Variants in ANXA4 observed in about 807,000 individuals in gnomAD.
ANXA4 encodes the protein 35-beta calcimedin.
Under a neutral mutation model 49.8 loss-of-function variants are expected in ANXA4, and 39 were observed. The observed-to-expected ratio is 0.78, with a 90% CI of 0.61 to 1.02. The LOEUF (loss-of-function observed/expected upper bound fraction) is 1.02, where lower values mean the gene tolerates loss of function less well. ANXA4 is among the 50% of genes least tolerant of loss of function. The probability of loss-of-function intolerance (pLI) is 0.00; values close to 1 mark genes in which losing one functional copy is unlikely to be tolerated. For missense variants in ANXA4, 360 were observed against 410.1 expected, an observed-to-expected ratio of 0.88 and a Z score of 1.05; for synonymous variants, 134 against 152.5, an observed-to-expected ratio of 0.88 and a Z score of 0.89.
chr2:69,708,762 T>A (rs2105402619), intron 2 of ANXA4, among the ~76,000 whole-genome samples: 1 of 152,166 alleles, frequency 6.6e-6, no homozygotes, highest in South Asian at 2.1e-4. Context: ...TTGCCTCGAC[T>A]GCATCTGCAT....
At chr2:69,799,201 G>A (rs1673081752) in intron 3 of ANXA4, among the ~76,000 whole-genome samples, 1 of 152,038 alleles carries the variant, frequency 6.6e-6, no homozygotes, top group African/African-American at 2.4e-5. Context: ...TCTTTGTCTT[G>A]CTTATCTGGG....
chr2:69,656,233 A>ATACGTATATATATG (rs1430938352), intron 2 of ANXA4, among the ~76,000 whole-genome samples: 2 of 120,458 alleles, frequency 1.7e-5, no homozygotes, highest in Middle Eastern at 3.7e-3. Context: ...ATATATGTAT[A>ATACGTATATATATG]TATATACGTA....
chr2:69,810,571 A>G (rs202123084), intron 6 of ANXA4, 23 bp from the exon 7 acceptor site: 2 of 1,600,804 alleles, frequency 1.2e-6, no homozygotes, highest in East Asian at 2.2e-5. Context: ...ATTCTGAAGT[A>G]GCTAATTTCA....
intron 8 of ANXA4, chr2:69,815,804 T>A (rs1470330465): frequency 1.5e-5 from 5 of 328,856 alleles, no homozygotes; most frequent in South Asian, 1.4e-4. Context: ...TAGTGGCAAC[T>A]GTAGGGGACA....
At chr2:69,741,500 T>C (rs188758568), upstream of ANXA4, among the ~76,000 whole-genome samples, 467 of 152,374 alleles carry the variant, frequency 3.1e-3, 5 homozygotes, top group Admixed American at 8.8e-3. Context: ...ACTCCAAAGC[T>C]TTCCTGGCCT....
intron 12 of ANXA4, among the ~76,000 whole-genome samples, chr2:69,823,569 G>T (rs1418195298): frequency 1.3e-5 from 2 of 152,026 alleles, no homozygotes; most frequent in Non-Finnish European, 2.9e-5. Context: ...CGGAGATTAT[G>T]CTATTAATAA....
intron 3 of ANXA4, among the ~76,000 whole-genome samples, chr2:69,735,473 G>A (rs1284147539): frequency 6.6e-6 from 1 of 152,064 alleles, no homozygotes; most frequent in Non-Finnish European, 1.5e-5. Context: ...CATCGTCTTG[G>A]TTTACTGGCT....
chr2:69,644,164 T>TCCCCCCCCCCCCCCCCCCCCCCCCCC (rs1559030592), upstream of ANXA4, among the ~76,000 whole-genome samples: 1 of 16,458 alleles, frequency 6.1e-5, no homozygotes, highest in Admixed American at 8.2e-4. Context: ...AACAACTAAG[T>TCCCCCCCCCCCCCCCCCCCCCCCCCC]TCCCCCCCCC....
At chr2:69,753,559 G>A (rs543583025) in intron 1 of ANXA4, among the ~76,000 whole-genome samples, 1 of 152,340 alleles carries the variant, frequency 6.6e-6, no homozygotes, top group Non-Finnish European at 1.5e-5. Context: ...ATCATGTCCT[G>A]ACAACATCCA....
upstream of ANXA4, among the ~76,000 whole-genome samples, chr2:69,741,430 C>G (rs907756369): frequency 5.9e-5 from 9 of 152,200 alleles, no homozygotes; most frequent in African/African-American, 2.2e-4. Flanking sequence ...GAGCTACGGA[C>G]AGTGTCTAAA....
chr2:69,774,505 ATTGT>A (rs976352365), intron 1 of ANXA4, among the ~76,000 whole-genome samples: 18 of 151,564 alleles, frequency 1.2e-4, no homozygotes, highest in African/African-American at 4.4e-4. Context: ...TGCCTGACTA[ATTGT>A]TTGTATATTT....
chr2:69,763,701 T>C (rs973823258), intron 1 of ANXA4, among the ~76,000 whole-genome samples: 1 of 151,310 alleles, frequency 6.6e-6, no homozygotes, highest in Non-Finnish European at 1.5e-5. Context: ...CTCGCTCTGT[T>C]GCCCAGGCTG....
At chr2:69,717,711 ACAAAGCCTTGCCT>A (rs1324100829) in intron 2 of ANXA4, among the ~76,000 whole-genome samples, 1 of 152,084 alleles carries the variant, frequency 6.6e-6, no homozygotes, top group East Asian at 1.9e-4. Context: ...ACCCCTCCCC[ACAAAGCCTTGCCT>A]CTGCAGCAGA....
At chr2:69,673,687 G>GACACACACAC (rs72114703) in intron 2 of ANXA4, among the ~76,000 whole-genome samples, 18 of 139,220 alleles carry the variant, frequency 1.3e-4, no homozygotes, top group African/African-American at 2.4e-4. Context: ...TTTTTTCAAA[G>GACACACACAC]ACACACACAC....
At chr2:69,691,821 C>T (rs1032771887) in intron 2 of ANXA4, among the ~76,000 whole-genome samples, 1 of 152,182 alleles carries the variant, frequency 6.6e-6, no homozygotes, top group African/African-American at 2.4e-5. Context: ...GCTGGGTTTC[C>T]TGGCATCTGT....
intron 8 of ANXA4, 59 bp downstream of exon 8, chr2:69,812,768 C>G: frequency 2.0e-6 from 3 of 1,467,304 alleles, no homozygotes. Context: ...ATGAGACAGG[C>G]CTTAGTGGGT....
intron 3 of ANXA4, among the ~76,000 whole-genome samples, chr2:69,728,761 T>C (rs1193890150): frequency 6.6e-6 from 1 of 152,208 alleles, no homozygotes; most frequent in Non-Finnish European, 1.5e-5. Context: ...TGACTTTAAG[T>C]GTCATATTGT....
chr2:69,696,209 A>G lies in ANXA4; in HGVS notation n.767-24565A>G, dbSNP rs559661657. 3.3e-5 allele frequency among the ~76,000 whole-genome samples: 5 copies of G among 152,224 alleles called. No homozygotes were observed. The East Asian group carries it at 9.6e-4, about 29-fold the overall frequency. On this transcript the variant is annotated intron_variant and non_coding_transcript_variant, in intron 2 of 3. Transcript: ENST00000418066. ...ACCCTTAGTTGATGCTTTATCAACT[A>G]AGTTTATGGAACATTCTCAATCGTT...
chr2:69,658,805 C>T (rs1223766752), intron 2 of ANXA4, among the ~76,000 whole-genome samples: 1 of 152,204 alleles, frequency 6.6e-6, no homozygotes, highest in Non-Finnish European at 1.5e-5. Context: ...AGCGATTCTC[C>T]TGCCTCAGCC....
Sources: gnomAD v4.1 joint callset for allele counts (sites outside exome capture counted in the v4.1 genomes callset) on GRCh38, gnomAD v4.1.1 for gene constraint, MANE v1.5 for transcripts, NCBI Gene and HGNC (gene_info 2026-07-23, HGNC 2026-07-21) for gene names.